PIEZO2: variants seen among roughly 807,000 people sequenced by gnomAD.
PIEZO2 encodes the protein piezo type mechanosensitive ion channel component 2.
In PIEZO2, 172 loss-of-function variants were observed where a neutral mutation model predicts 337.3. The observed-to-expected ratio is 0.51, with a 90% CI of 0.45 to 0.58. The LOEUF (loss-of-function observed/expected upper bound fraction) is 0.58, where lower values mean the gene tolerates loss of function less well. Ranked by LOEUF, PIEZO2 falls within the 20% of genes least tolerant of loss-of-function variation. PIEZO2 has a pLI of 0.00. For missense variants in PIEZO2, 3,028 were observed against 3,391.3 expected (o/e 0.89, Z 2.66); for synonymous variants, 1,251 against 1,228.5 (o/e 1.02, Z -0.38).
chr18:11,100,529 C>G (rs2146089386), intron 1 of PIEZO2, among the ~76,000 whole-genome samples: 1 of 152,254 alleles, frequency 6.6e-6, no homozygotes, highest in East Asian at 1.9e-4. Context: ...TGTGCCATGC[C>G]AAAAGGTGTT....
At chr18:10,687,333 C>A (rs1162882154) in intron 49 of PIEZO2, among the ~76,000 whole-genome samples, 2 of 152,020 alleles carry the variant, frequency 1.3e-5, no homozygotes, top group African/African-American at 4.8e-5. Flanking sequence ...TGTTCCACCC[C>A]ATGTGTCCAT....
At chr18:10,809,353 C>T (rs1358512955) in intron 7 of PIEZO2, among the ~76,000 whole-genome samples, 1 of 146,012 alleles carries the variant, frequency 6.8e-6, no homozygotes, top group Non-Finnish European at 1.5e-5. Flanking sequence ...TCACTGCAAC[C>T]TCCGCCTCCC....
At chr18:10,971,897 T>C (rs1229850756) in intron 3 of PIEZO2, among the ~76,000 whole-genome samples, 1 of 152,138 alleles carries the variant, frequency 6.6e-6, no homozygotes, top group Non-Finnish European at 1.5e-5. Context: ...TACTCACTAA[T>C]GAGCAGCCTA....
In PIEZO2 at chr18:10,713,040, T is replaced by A. The variant is rs1474573914; in HGVS notation, c.5423+1724A>T. Among the ~76,000 whole-genome samples, 1 of 152,188 alleles carries A rather than the reference T, an allele frequency of 6.6e-6. No individual in the cohort carries two copies. Among genetic ancestry groups the A allele is most frequent in the Non-Finnish European group, 1.5e-5 (1 of 68,034 alleles). ...AAAAGACTTTAAAAGAATCAATACC[T>A]ATTTTAGGGGAGCAGGCAGGGATAC... On this transcript the variant is annotated intron_variant, in intron 39 of 55. Transcript: ENST00000674853. The surrounding 1 kb of genome is among the most constrained non-coding windows in gnomAD (Gnocchi z 4.5).
intron 3 of PIEZO2, among the ~76,000 whole-genome samples, chr18:10,959,304 A>G (rs2033667943): frequency 6.6e-6 from 1 of 152,202 alleles, no homozygotes; most frequent in Non-Finnish European, 1.5e-5. Context: ...GATTTTATAG[A>G]GATTTCATCA....
chr18:11,130,231 G>T (rs2040302893), intron 1 of PIEZO2, among the ~76,000 whole-genome samples: 1 of 152,176 alleles, frequency 6.6e-6, no homozygotes, highest in Non-Finnish European at 1.5e-5. Context: ...GAATGACAGT[G>T]GATTATTGCA....
rs1026945754 is a variant in PIEZO2, at chr18:11,105,991, C to A, written c.65-39769G>T. 6.6e-6 allele frequency among the ~76,000 whole-genome samples: 1 copy of A among 152,190 alleles called. No homozygotes were observed. Among genetic ancestry groups the A allele is most frequent in the Non-Finnish European group, 1.5e-5 (1 of 68,036 alleles). On this transcript the variant is annotated intron_variant, in intron 1 of 55. Transcript: ENST00000674853. This position sits in a 1 kb window ranked among gnomAD's most constrained non-coding sequence, Gnocchi z 4.3. ...TTTTGGCATAGGAGGAAAAGTCATT[C>A]ATGAACAAATTCTTAAAATTTATTT...
At chr18:11,023,980 C>T (rs1196796115) in intron 2 of PIEZO2, among the ~76,000 whole-genome samples, 1 of 152,324 alleles carries the variant, frequency 6.6e-6, no homozygotes, top group Non-Finnish European at 1.5e-5. Flanking sequence ...GTAACTCCAG[C>T]TGGCCCGCAA....
At position 11,128,331 on chromosome 18, in the gene PIEZO2, A is replaced by G. The variant is rs941858426; in HGVS notation, c.64+20194T>C. Reference sequence around the variant, plus strand: ...GAGCTGAAATTGTGGAAAAACAGACACAAGCTCTTATCATGAGAGTGGCTG... The same window carrying G: ...GAGCTGAAATTGTGGAAAAACAGACGCAAGCTCTTATCATGAGAGTGGCTG... On this transcript the variant is annotated intron_variant, in intron 1 of 55. Transcript: ENST00000674853. The surrounding 1 kb of genome is among the most constrained non-coding windows in gnomAD (Gnocchi z 4.1). Among the ~76,000 whole-genome samples, 1 of 152,194 alleles carries G rather than the reference A, an allele frequency of 6.6e-6. No homozygotes were observed. The highest frequency in any genetic ancestry group is 1.5e-5 in the Non-Finnish European group (1 of 68,040).
chr18:11,095,284 C>T (rs2039230429), intron 1 of PIEZO2, among the ~76,000 whole-genome samples: 1 of 152,182 alleles, frequency 6.6e-6, no homozygotes, highest in South Asian at 2.1e-4. Context: ...CTCTTGGAAT[C>T]CAGTGAGAAA....
chr18:10,791,966 G>A (rs567189205), intron 13 of PIEZO2, among the ~76,000 whole-genome samples: 1 of 152,270 alleles, frequency 6.6e-6, no homozygotes, highest in African/African-American at 2.4e-5. Flanking sequence ...TTTTGTTTGA[G>A]AGGGAGTTTT....
Position 10,699,306 on chromosome 18 carries a change from G to A in PIEZO2, c.6442-129C>T. 4 of 1,272,392 alleles carry A rather than the reference G, an allele frequency of 3.1e-6. No homozygotes were observed. The South Asian group carries it at 5.7e-5, about 18-fold the overall frequency. The allele number at this position is 1,272,392 out of a possible 1,614,324, so 78.8% of individuals were successfully genotyped here. A position where few individuals can be genotyped will look rare whatever the true frequency, so the allele number is the denominator to read the frequency against. On this transcript the variant is annotated intron_variant, in intron 43 of 55. Coordinates refer to ENST00000674853, the MANE Select transcript of PIEZO2 (RefSeq NM_001378183.1). ...AAAAGCAAGATGATATGGTTTGGCT[G>A]TGTCCCCATATCTCATCTTGAATTC...
chr18:10,801,587 A>G (rs1332145085), intron 9 of PIEZO2, among the ~76,000 whole-genome samples, 159 bp from the exon 10 acceptor site: 1 of 152,200 alleles, frequency 6.6e-6, no homozygotes, highest in Non-Finnish European at 1.5e-5. Flanking sequence ...GGACAAATAA[A>G]TGAGCTGGAT....
chr18:10,785,635 C>T (rs199725033), intron 16 of PIEZO2, among the ~76,000 whole-genome samples: 58 of 152,236 alleles, frequency 3.8e-4, no homozygotes, highest in Admixed American at 3.3e-3. Flanking sequence ...AGAAGTCAGA[C>T]GCCTCCTGTG....
At chr18:10,782,603 C>T (rs923995067) in intron 17 of PIEZO2, among the ~76,000 whole-genome samples, 1 of 147,584 alleles carries the variant, frequency 6.8e-6, no homozygotes, top group Non-Finnish European at 1.5e-5. Context: ...ACTGGCATTA[C>T]ACACTCTTTC....
chr18:10,762,533 C>T lies in PIEZO2; in HGVS notation c.3216G>A (p.Leu1072=). 6.5e-7 allele frequency: 1 copy of T among 1,537,322 alleles called. No individual in the cohort carries two copies. The highest frequency in any genetic ancestry group is 8.7e-7 in the Non-Finnish European group (1 of 1,146,930). The change falls in exon 23 of 56, where the codon CTG becomes CTA. Residue 1072 remains leucine, a synonymous_variant. Coordinates refer to ENST00000674853, the MANE Select transcript of PIEZO2 (RefSeq NM_001378183.1). The stretch of plus-strand genomic sequence containing the variant: ...AGACTAGCAGAGGCGAAGACTTCCG[C>T]AGGCCGACCCACTCTGTAGGATCGA... ...APIDPTEWVG[L]RKSSPLLVYL...
At chr18:10,925,109 C>G (rs958541148) in intron 3 of PIEZO2, among the ~76,000 whole-genome samples, 1 of 151,994 alleles carries the variant, frequency 6.6e-6, no homozygotes, top group African/African-American at 2.4e-5. Context: ...ATTTTTAATA[C>G]AATTGATAAA....
At position 10,672,812 on chromosome 18, in the gene PIEZO2, A is replaced by T; in HGVS notation, c.8223T>A (p.Ser2741Arg). ...LSRDNTTKYN[S>R]EWWVLNLTGN... is the part of the protein sequence containing the mutation. ...CAGTCAGGTTGAGAACCCACCACTC[A>T]CTGTTATATTTAGTTGTATTGTCTC... The change falls in exon 55 of 56, where the codon AGT (serine) becomes AGA (arginine). Residue 2741 changes from serine (S) to arginine (R), a missense_variant. By Grantham distance (110) the Ser-to-Arg change is moderately radical. This residue lies in a region of PIEZO2 where 332 missense variants were observed against 363.8 expected (regional missense o/e 0.91). Transcript: ENST00000674853. This position sits in a 1 kb window ranked among gnomAD's most constrained non-coding sequence, Gnocchi z 4.7. The T allele has an allele frequency of 6.2e-7, 1 of 1,612,808 alleles. No individual in the cohort carries two copies. The highest frequency in any genetic ancestry group is 8.5e-7 in the Non-Finnish European group (1 of 1,178,864).
intron 1 of PIEZO2, among the ~76,000 whole-genome samples, chr18:11,090,868 C>T (rs951579658): frequency 4.8e-5 from 7 of 147,246 alleles, no homozygotes; most frequent in Non-Finnish European, 1.0e-4. Flanking sequence ...GAGCCGAGAT[C>T]GCGCCACTGC....
Sources: gnomAD v4.1 joint callset for allele counts (sites outside exome capture counted in the v4.1 genomes callset) on GRCh38, gnomAD v4.1.1 for gene constraint, gnomAD v4.1.1 regional missense constraint, Gnocchi (gnomAD v3.1) non-coding constraint, MANE v1.5 for transcripts, NCBI Gene and HGNC (gene_info 2026-07-23, HGNC 2026-07-21) for gene names.